The following VPS13A variants were observed in gnomAD, a reference collection of about 807,000 sequenced individuals.
VPS13A encodes the protein intermembrane lipid transfer protein VPS13A.
Under a neutral mutation model 390.9 loss-of-function variants are expected in VPS13A, and 264 were observed. The observed-to-expected ratio is 0.68, with a 90% CI of 0.61 to 0.75. VPS13A has a LOEUF of 0.75. Among genes scored for constraint, VPS13A ranks in the 30% least tolerant of loss-of-function variants. The pLI, the probability that VPS13A is intolerant of heterozygous loss-of-function variation, is 0.00. For synonymous variants in VPS13A, 1,231 were observed against 1,227.1 expected, an observed-to-expected ratio of 1.00 and a Z score of -0.07; for missense variants, 3,409 against 3,733.9, an observed-to-expected ratio of 0.91 and a Z score of 2.27.
intron 10 of VPS13A, among the ~76,000 whole-genome samples, chr9:77,218,653 T>TC (rs987463056): frequency 6.6e-6 from 1 of 151,924 alleles, no homozygotes; most frequent in African/African-American, 2.4e-5. Context: ...CCTTTTTTTT[T>TC]TTTTTTTGGA....
At chr9:77,358,287 C>T in intron 56 of VPS13A, 70 bp from the exon 57 acceptor site, 2 of 1,347,724 alleles carry the variant, frequency 1.5e-6, no homozygotes, top group Non-Finnish European at 2.1e-6. Flanking sequence ...TTTTGTTCCT[C>T]AAATCCTGTT....
In VPS13A at chr9:77,343,912, C is replaced by T. The variant is rs970735840; in HGVS notation, c.7027-241C>T. On this transcript the variant is annotated intron_variant, in intron 50 of 71. Transcript: ENST00000360280. ...ACATTAAAGTCTCTTTTCTCGCCAG[C>T]AGTTCACTTACCATAGCTCTTCAAT... Among the ~76,000 whole-genome samples the T allele has an allele frequency of 4.6e-5, 7 of 152,168 alleles. 1 individual carries two copies. Among genetic ancestry groups the T allele is most frequent in the Admixed American group, 4.6e-4 (7 of 15,286 alleles).
chr9:77,394,057 C>T (rs1244016124), intron 68 of VPS13A, among the ~76,000 whole-genome samples: 1 of 151,892 alleles, frequency 6.6e-6, no homozygotes, highest in African/African-American at 2.4e-5. Context: ...CATGAGCCAC[C>T]ACACCCGGCA....
intron 45 of VPS13A, among the ~76,000 whole-genome samples, chr9:77,328,307 C>T (rs1830114360): frequency 6.6e-6 from 1 of 152,122 alleles, no homozygotes; most frequent in African/African-American, 2.4e-5. Context: ...AACAGATGTG[C>T]TTTCAAAGTC....
At position 77,209,484 on chromosome 9, in the gene VPS13A, A is replaced by G. The variant is rs1334598941; in HGVS notation, c.447A>G (p.Lys149=). The G allele has an allele frequency of 6.2e-7, 1 of 1,612,264 alleles. No homozygotes were observed. The highest frequency in any genetic ancestry group is 1.3e-5 in the African/African-American group (1 of 74,912). Residue 149 remains lysine (K), a synonymous_variant, in exon 6 of 72, where the codon AAA becomes AAG. Transcript: ENST00000360280. ...AAAAATTAGTTACACAGATCATAAA[A>G]AATCTTCAGGTGAAAATTTCCAGTA... ...FAEKLVTQII[K]NLQVKISSIH...
At chr9:77,262,339 T>A (rs1389144133) in intron 23 of VPS13A, among the ~76,000 whole-genome samples, 1 of 152,174 alleles carries the variant, frequency 6.6e-6, no homozygotes, top group Non-Finnish European at 1.5e-5. Context: ...TTCCCTCCAT[T>A]TTCGGGGGTA....
chr9:77,199,645 G>T (rs1038724789), intron 1 of VPS13A, among the ~76,000 whole-genome samples: 2 of 151,936 alleles, frequency 1.3e-5, no homozygotes, highest in African/African-American at 4.8e-5. Context: ...TGTTGATCTT[G>T]TATCATGCTA....
intron 31 of VPS13A, among the ~76,000 whole-genome samples, chr9:77,292,528 A>G (rs1305781039): frequency 6.6e-6 from 1 of 152,086 alleles, no homozygotes; most frequent in Non-Finnish European, 1.5e-5. Flanking sequence ...CACCCTAGGC[A>G]GAAGCAGGAC....
intron 27 of VPS13A, among the ~76,000 whole-genome samples, chr9:77,281,352 A>G (rs1445385748): frequency 6.6e-6 from 1 of 152,214 alleles, no homozygotes; most frequent in Non-Finnish European, 1.5e-5. Flanking sequence ...AGTTAGCTTA[A>G]TTTAATCATT....
chr9:77,411,751 G>C lies in VPS13A; in HGVS notation c.9474+4144G>C, dbSNP rs540714580. Among the ~76,000 whole-genome samples, 387 of 147,382 alleles carry C rather than the reference G, an allele frequency of 2.6e-3. 2 individuals carry two copies. The highest frequency in any genetic ancestry group is 3.0e-3 in the Non-Finnish European group (201 of 67,222). ...AGAAGGCAAGAAATGACTAAGATCAGAGCAGAACTGAAGGAAATAGACACA... is the reference window on the plus strand; with the variant it reads ...AGAAGGCAAGAAATGACTAAGATCACAGCAGAACTGAAGGAAATAGACACA... On this transcript the variant is annotated intron_variant, in intron 71 of 71. Transcript: ENST00000360280.
intron 45 of VPS13A, 67 bp from the exon 46 acceptor site, chr9:77,331,943 A>AT (rs969981384): frequency 1.4e-4 from 154 of 1,101,266 alleles, no homozygotes; most frequent in Non-Finnish European, 1.9e-4. Flanking sequence ...ACATGGACAT[A>AT]TTTTTTTTAC....
chr9:77,262,260 C>G (rs1187611799), intron 23 of VPS13A, among the ~76,000 whole-genome samples: 1 of 150,428 alleles, frequency 6.6e-6, no homozygotes, highest in African/African-American at 2.4e-5. Context: ...TTCATGATTT[C>G]TGGACTTTGT....
intron 46 of VPS13A, 60 bp from the exon 47 acceptor site, chr9:77,337,195 A>G: frequency 6.8e-7 from 1 of 1,466,780 alleles, no homozygotes; most frequent in Non-Finnish European, 9.3e-7. Flanking sequence ...AGCTGTAATT[A>G]TATAGTTTAA....
chr9:77,307,084 G>A (rs765908329), intron 34 of VPS13A, among the ~76,000 whole-genome samples: 5 of 151,642 alleles, frequency 3.3e-5, no homozygotes, highest in Non-Finnish European at 5.9e-5. Context: ...TTGTATTTTC[G>A]GTAGAGTCGG....
chr9:77,316,125 T>G (rs1829367646), intron 38 of VPS13A, 49 bp from the exon 39 acceptor site: 2 of 984,198 alleles, frequency 2.0e-6, no homozygotes, highest in Non-Finnish European at 2.7e-6. Flanking sequence ...AAATAATAAA[T>G]TATTCATAAT....
At chr9:77,378,203 A>C (rs1207127828) in intron 67 of VPS13A, among the ~76,000 whole-genome samples, 1 of 152,092 alleles carries the variant, frequency 6.6e-6, no homozygotes, top group Non-Finnish European at 1.5e-5. Context: ...CTCCTCTTCA[A>C]ATTTTTGGAA....
intron 50 of VPS13A, among the ~76,000 whole-genome samples, chr9:77,341,998 A>T (rs1281975704): frequency 6.6e-6 from 1 of 152,098 alleles, no homozygotes; most frequent in African/African-American, 2.4e-5. Flanking sequence ...AATGTGGGAA[A>T]GTCTGATGTA....
intron 58 of VPS13A, among the ~76,000 whole-genome samples, chr9:77,359,720 A>T (rs1254762629): frequency 6.6e-6 from 1 of 151,062 alleles, no homozygotes; most frequent in East Asian, 2.0e-4. Context: ...CAGGAGGCTG[A>T]GGCACGAGAA....
chr9:77,208,059 G>A (rs1184552973), intron 5 of VPS13A, among the ~76,000 whole-genome samples: 1 of 152,208 alleles, frequency 6.6e-6, no homozygotes, highest in Non-Finnish European at 1.5e-5. Flanking sequence ...TGGAATCTGA[G>A]CTGCATAAGG....
Sources: allele counts gnomAD v4.1 joint callset (sites outside exome capture counted in the v4.1 genomes callset), GRCh38; gene constraint gnomAD v4.1.1; transcripts MANE v1.5; gene names NCBI Gene and HGNC (gene_info 2026-07-23, HGNC 2026-07-21).